The following ZNF561 variants were observed in gnomAD, a reference collection of about 807,000 sequenced individuals.
ZNF561 encodes zinc finger protein 561.
In ZNF561, 16 loss-of-function variants were observed where a neutral mutation model predicts 16.7. That is an observed-to-expected ratio of 0.96 (90% CI 0.65 to 1.45). The LOEUF (loss-of-function observed/expected upper bound fraction) is 1.45. Ranked by LOEUF, ZNF561 falls within the 40% of genes most tolerant of loss-of-function variation. The probability of loss-of-function intolerance (pLI) is 0.00; values close to 1 mark genes in which losing one functional copy is unlikely to be tolerated. For missense variants in ZNF561, 580 were observed against 578.0 expected (o/e 1.00, Z -0.04); for synonymous variants, 190 against 192.1 (o/e 0.99, Z 0.09).
intron 3 of ZNF561, chr19:9,617,694 A>C (rs1286160328): frequency 4.4e-6 from 2 of 457,296 alleles, no homozygotes; most frequent in South Asian, 3.1e-5. Context: ...CAGCACAACC[A>C]GGCTAGGAGC....
chr19:9,618,827 A>G (rs2074606646), intron 2 of ZNF561, among the ~76,000 whole-genome samples: 1 of 150,034 alleles, frequency 6.7e-6, no homozygotes, highest in East Asian at 2.1e-4. Flanking sequence ...ATTCTAAAAC[A>G]GCATTCTGGC....
intron 5 of ZNF561, 139 bp from the exon 6 acceptor site, chr19:9,611,475 T>C (rs2074457151): frequency 2.2e-6 from 2 of 922,606 alleles, no homozygotes; most frequent in Non-Finnish European, 1.5e-6. Context: ...TGAGAGAAAG[T>C]CTTGTTCTAT....
rs61746405 is a variant in ZNF561 at position 9,611,229 on chromosome 19, A to G, written c.432T>C (p.Asn144=). ...KTHMRVQNGG[N]TSEGNCYGKD... ...TTCCATAACAATTACCCTCAGAAGT[A>G]TTCCCTCCATTCTGAACTCTCATGT... The change falls in exon 6 of 6, where the codon AAT becomes AAC. Residue 144 remains asparagine, a synonymous_variant. Transcript: ENST00000302851. The G allele has an allele frequency of 2.5e-6, 4 of 1,613,954 alleles. No homozygotes were observed. Among genetic ancestry groups the G allele is most frequent in the Admixed American group, 3.3e-5 (2 of 60,002 alleles).
At chr19:9,615,396 A>T (rs1173410315) in intron 4 of ZNF561, among the ~76,000 whole-genome samples, 1 of 151,632 alleles carries the variant, frequency 6.6e-6, no homozygotes, top group African/African-American at 2.4e-5. Flanking sequence ...CAGGAGTTTA[A>T]GACCAGCCTG....
chr19:9,616,716 C>T (rs1055144439), intron 4 of ZNF561, among the ~76,000 whole-genome samples: 6 of 151,928 alleles, frequency 3.9e-5, no homozygotes, highest in Admixed American at 2.6e-4. Context: ...CTCAGCCTCC[C>T]GAATAGCTGG....
intron 4 of ZNF561, among the ~76,000 whole-genome samples, chr19:9,615,583 G>A (rs573792257): frequency 1.3e-4 from 19 of 151,754 alleles, no homozygotes; most frequent in Non-Finnish European, 2.1e-4. Context: ...GGGCGACAGA[G>A]CAAGACCCTG....
chr19:9,620,279 G>A (rs867437796), intron 1 of ZNF561, among the ~76,000 whole-genome samples: 2 of 151,978 alleles, frequency 1.3e-5, no homozygotes, highest in African/African-American at 2.4e-5. Context: ...TAGTAGAGAC[G>A]CAGTTTCGCC....
chr19:9,620,566 C>T (rs896147899), intron 1 of ZNF561, among the ~76,000 whole-genome samples: 3 of 152,106 alleles, frequency 2.0e-5, no homozygotes, highest in Non-Finnish European at 2.9e-5. Context: ...TACACTCAAA[C>T]AACCCTAGTA....
At position 9,608,664 on chromosome 19, in the gene ZNF561, T is replaced by C. The variant is rs1031209088; in HGVS notation, c.*1536A>G. On this transcript the variant is annotated 3_prime_UTR_variant, in exon 6 of 6. Coordinates refer to ENST00000302851, the MANE Select transcript of ZNF561 (RefSeq NM_152289.3). ...GTAAGGTTGGTAAGGGTGATCCTGG[T>C]GAGGTGTCATTGGGGAATGAGGAAC... 3 of 152,110 alleles carry C rather than the reference T, an allele frequency of 2.0e-5. No homozygotes were observed. Among genetic ancestry groups the C allele is most frequent in the African/African-American group, 7.2e-5 (3 of 41,414 alleles). 9.4% of individuals were successfully genotyped at this position (152,110 alleles called of 1,614,324 possible). A position where few individuals can be genotyped will look rare whatever the true frequency, so the allele number is the denominator to read the frequency against.
chr19:9,611,509 CA>C (rs1233992837), intron 5 of ZNF561, among the ~76,000 whole-genome samples, 173 bp from the exon 6 acceptor site: 1 of 151,906 alleles, frequency 6.6e-6, no homozygotes, highest in Non-Finnish European at 1.5e-5. Flanking sequence ...GTGCATGGCA[CA>C]CTCTCAGCTA....
At position 9,610,193 on chromosome 19, in the gene ZNF561, C is replaced by T. The variant is rs370494436; in HGVS notation, c.*7G>A. 6.2e-5 allele frequency: 97 copies of T among 1,552,782 alleles called. No individual in the cohort carries two copies. The highest frequency in any genetic ancestry group is 3.4e-4 in the Middle Eastern group (2 of 5,824). Reference sequence around the variant, plus strand: ...ATTGCCAATAATTAAAGATGGCAACCGATGGGCTAAATGGTAACACTCATA... The same window carrying T: ...ATTGCCAATAATTAAAGATGGCAACTGATGGGCTAAATGGTAACACTCATA... On this transcript the variant is annotated 3_prime_UTR_variant, in exon 6 of 6. Coordinates refer to ENST00000302851, the MANE Select transcript of ZNF561 (RefSeq NM_152289.3).
At chr19:9,617,429 T>C in intron 3 of ZNF561, 1 of 645,632 alleles carries the variant, frequency 1.5e-6, no homozygotes, top group Non-Finnish European at 2.0e-6. Flanking sequence ...TTTTAATATT[T>C]GTATTTTTAA....
chr19:9,614,088 G>C lies in ZNF561; in HGVS notation c.257C>G (p.Pro86Arg), dbSNP rs1355469957. Residue 86 changes from proline (P) to arginine (R), a missense_variant, in exon 5 of 6, where the codon CCT (proline) becomes CGT (arginine). Coordinates refer to ENST00000302851, the MANE Select transcript of ZNF561 (RefSeq NM_152289.3). ...CTGAAGTGATGACCGTTTGGTTCTA[G>C]GTTGTATTTCCCATTCTAAAGTTAA... ...NLASVEWEIQ[P>R]RTKRSSLQQG... 3.1e-6 allele frequency: 5 copies of C among 1,613,918 alleles called. No individual in the cohort carries two copies. In the African/African-American group the frequency reaches 5.3e-5, roughly 17 times the overall value.
intron 4 of ZNF561, 171 bp downstream of exon 4, chr19:9,616,874 A>G: frequency 1.2e-6 from 1 of 810,314 alleles, no homozygotes; most frequent in Non-Finnish European, 1.8e-6. Flanking sequence ...GATTACAGGC[A>G]TGAGCCACTG....
At chr19:9,619,740 T>C (rs146085322) in intron 1 of ZNF561, among the ~76,000 whole-genome samples, 158 bp from the exon 2 acceptor site, 27 of 152,274 alleles carry the variant, frequency 1.8e-4, no homozygotes, top group African/African-American at 6.5e-4. Context: ...GTAACTGACA[T>C]TTACTGAGGA....
In ZNF561 at chr19:9,619,525, T is replaced by C. The variant is rs2074620972; in HGVS notation, c.-69A>G. On this transcript the variant is annotated 5_prime_UTR_variant, in exon 2 of 6. Transcript: ENST00000302851. ...GCCAAGATCACCTCAGGCCAGCTTA[T>C]GAATCTAGGTGGATAGAGGCAATCT... 6.4e-7 allele frequency: 1 copy of C among 1,553,564 alleles called. No individual in the cohort carries two copies.
rs1222779492 is a variant in ZNF561 at position 9,618,159 on chromosome 19, T to C, written c.46A>G (p.Ile16Val). Reference sequence around the variant, plus strand: ...TTTGTCTTTTCTTCAAAAGGGCAGATTGGTTCCCTGGAAAAAAACCCTAGT... The same window carrying C: ...TTTGTCTTTTCTTCAAAAGGGCAGACTGGTTCCCTGGAAAAAAACCCTAGT... ...LSRGFFSREP[I>V]CPFEEKTKVE... The change falls in exon 3 of 6, where the codon ATC becomes GTC. Residue 16 changes from isoleucine (I) to valine (V), a missense_variant. By Grantham distance (29) the Ile-to-Val change is conservative (BLOSUM62 3). Coordinates refer to ENST00000302851, the MANE Select transcript of ZNF561 (RefSeq NM_152289.3). The C allele has an allele frequency of 7.1e-6, 11 of 1,551,022 alleles. No homozygotes were observed. The highest frequency in any genetic ancestry group is 9.6e-6 in the Non-Finnish European group (11 of 1,146,636).
At chr19:9,619,913 A>ACATCTATCC in intron 1 of ZNF561, among the ~76,000 whole-genome samples, 1 of 98,046 alleles carries the variant, frequency 1.0e-5, no homozygotes, top group African/African-American at 5.8e-5. Context: ...CTATCTATCT[A>ACATCTATCC]TATCTATCCT....
chr19:9,617,585 C>A, intron 3 of ZNF561: 1 of 441,868 alleles, frequency 2.3e-6, no homozygotes, highest in Non-Finnish European at 4.6e-6. Context: ...CTGATTACTA[C>A]AGCTTCGATC....
Sources: allele counts gnomAD v4.1 joint callset (sites outside exome capture counted in the v4.1 genomes callset), GRCh38; gene constraint gnomAD v4.1.1; transcripts MANE v1.5; gene names NCBI Gene and HGNC (gene_info 2026-07-23, HGNC 2026-07-21).